The following DPP9 variants were observed in gnomAD, a reference collection of about 807,000 sequenced individuals.
DPP9 encodes the protein dipeptidyl peptidase IV-related protein-2.
DPP9 carries 50 observed loss-of-function variants against 110.7 expected under a neutral mutation model. That is an observed-to-expected ratio of 0.45 (90% CI 0.36 to 0.57). The LOEUF (loss-of-function observed/expected upper bound fraction) is 0.57, where lower values mean the gene tolerates loss of function less well. Among genes scored for constraint, DPP9 ranks in the 20% least tolerant of loss-of-function variants. The pLI is 0.00. For synonymous variants in DPP9, 561 were observed against 514.4 expected, an observed-to-expected ratio of 1.09 and a Z score of -1.23; for missense variants, 1,022 against 1,217.9, an observed-to-expected ratio of 0.84 and a Z score of 2.39.
At chr19:4,715,393 C>T (rs1295879799) in intron 3 of DPP9, 1 of 152,236 alleles carries the variant, frequency 6.6e-6, no homozygotes, top group African/African-American at 2.4e-5. Flanking sequence ...TCACACCATC[C>T]ACGCTGAAGC....
chr19:4,711,149 CT>C (rs1232760027), intron 4 of DPP9, among the ~76,000 whole-genome samples: 1 of 152,110 alleles, frequency 6.6e-6, no homozygotes, highest in African/African-American at 2.4e-5. Flanking sequence ...GGACAGATGC[CT>C]GGCTTCTGGA....
chr19:4,697,722 C>A, intron 10 of DPP9, 71 bp from the exon 11 acceptor site: 1 of 1,290,408 alleles, frequency 7.7e-7, no homozygotes, highest in Non-Finnish European at 1.1e-6. Flanking sequence ...AAGGCCACTG[C>A]GCTGGGTCCC....
intron 14 of DPP9, among the ~76,000 whole-genome samples, chr19:4,690,554 A>G (rs2091222555): frequency 6.6e-6 from 1 of 152,230 alleles, no homozygotes; most frequent in African/African-American, 2.4e-5. Flanking sequence ...CAGAGGACAC[A>G]CTTCCTCTTT....
rs2092017774 is a variant in DPP9, at chr19:4,698,915, T to C, written c.1075-1264A>G. 6.6e-6 allele frequency among the ~76,000 whole-genome samples: 1 copy of C among 151,800 alleles called. No individual in the cohort carries two copies. The highest frequency in any genetic ancestry group is 1.5e-5 in the Non-Finnish European group (1 of 67,940). ...GGCTCACACCTGTAATCCCAACACTTTGGGAGGCCGAGGCGGGCGGATCAC... is the reference window on the plus strand; with the variant it reads ...GGCTCACACCTGTAATCCCAACACTCTGGGAGGCCGAGGCGGGCGGATCAC... On this transcript the variant is annotated intron_variant, in intron 10 of 21. Transcript: ENST00000262960. This position sits in a 1 kb window ranked among gnomAD's most constrained non-coding sequence, Gnocchi z 4.2.
chr19:4,697,405 T>G, intron 11 of DPP9, 146 bp downstream of exon 11: 1 of 655,536 alleles, frequency 1.5e-6, no homozygotes, highest in Non-Finnish European at 2.6e-6. Flanking sequence ...TGGACACTGG[T>G]CTGAGGCCTG....
intron 9 of DPP9, among the ~76,000 whole-genome samples, chr19:4,701,593 A>G (rs2092261666): frequency 1.3e-5 from 2 of 152,250 alleles, no homozygotes; most frequent in Non-Finnish European, 2.9e-5. Flanking sequence ...AAACAAACAA[A>G]ACAAGAGTGA....
In DPP9 at chr19:4,676,198, G is replaced by A. The variant is rs1231232842; in HGVS notation, c.*366C>T. Reference sequence around the variant, plus strand: ...TGGGGACGGTGGCTGGCCGGGCCAGGGGACTGAGAGGTCACAGGGAGCCCC... The same window carrying A: ...TGGGGACGGTGGCTGGCCGGGCCAGAGGACTGAGAGGTCACAGGGAGCCCC... On this transcript the variant is annotated 3_prime_UTR_variant, in exon 22 of 22. Transcript: ENST00000262960. This position sits in a 1 kb window ranked among gnomAD's most constrained non-coding sequence, Gnocchi z 4.0. The A allele has an allele frequency of 8.3e-6, 2 of 241,378 alleles. No homozygotes were observed. Among genetic ancestry groups the A allele is most frequent in the Non-Finnish European group, 8.1e-6 (1 of 123,674 alleles). The allele number at this position is 241,378 out of a possible 1,614,324, so 15.0% of individuals were successfully genotyped here.
At chr19:4,702,568 G>C (rs200686354) in intron 8 of DPP9, 35 bp downstream of exon 8, 7 of 1,503,776 alleles carry the variant, frequency 4.7e-6, no homozygotes, top group Non-Finnish European at 9.1e-7. Flanking sequence ...GGAAAAGCAC[G>C]CCCGGGAGCA....
In DPP9 at chr19:4,690,884, G is replaced by C; in HGVS notation, c.1590C>G (p.Gly530=). 1.9e-6 allele frequency: 3 copies of C among 1,612,474 alleles called. No individual in the cohort carries two copies. The highest frequency in any genetic ancestry group is 2.5e-6 in the Non-Finnish European group (3 of 1,179,248). ...TGCAAGGAGACCCTGGTACCTTGGA[G>C]CCGTGCCTCGCCAAAACCTCCCATT... ...SGEWEVLARH[G]SKIWVNEETK... is the part of the protein sequence containing the mutation. Residue 530 remains glycine (G), a synonymous_variant, in exon 14 of 22, where the codon GGC becomes GGG. Coordinates refer to ENST00000262960, the MANE Select transcript of DPP9 (RefSeq NM_139159.5).
At position 4,702,683 on chromosome 19, in the gene DPP9, G is replaced by A. The variant is rs1369739628; in HGVS notation, c.803C>T (p.Ala268Val). 9 of 1,599,478 alleles carry A rather than the reference G, an allele frequency of 5.6e-6. No homozygotes were observed. Among genetic ancestry groups the A allele is most frequent in the African/African-American group, 2.7e-5 (2 of 74,268 alleles). ...LSNVLDDPKS[A>V]GVATFVIQEE... Reference sequence around the variant, plus strand: ...CTGTATGACGAAGGTGGCCACACCCGCAGACTTGGGGTCATCCAGGACATT... The same window carrying A: ...CTGTATGACGAAGGTGGCCACACCCACAGACTTGGGGTCATCCAGGACATT... Residue 268 changes from alanine to valine, a missense_variant, in exon 8 of 22, where the codon GCG becomes GTG. Transcript: ENST00000262960.
chr19:4,697,683 C>T, intron 10 of DPP9, 32 bp from the exon 11 acceptor site: 1 of 1,594,228 alleles, frequency 6.3e-7, no homozygotes, highest in African/African-American at 1.3e-5. Context: ...TGGGTCATGC[C>T]CTGGCCTGCC....
In DPP9 at chr19:4,688,841, C is replaced by T. The variant is rs1031910572; in HGVS notation, c.1801G>A (p.Val601Met). The change falls in exon 16 of 22, where the codon GTG becomes ATG. Residue 601 changes from valine (V) to methionine (M), a missense_variant. By Grantham distance (21) the Val-to-Met change is conservative. Transcript: ENST00000262960. The part of the protein sequence containing the change: ...HYSSVSTPPC[V>M]HVYKLSGPDD... ...GGGCCGCTCAGCTTGTAGACGTGCACGCAGGGCGGCGTGCTCACGCTGCTG... is the reference window on the plus strand; with the variant it reads ...GGGCCGCTCAGCTTGTAGACGTGCATGCAGGGCGGCGTGCTCACGCTGCTG... 1.4e-5 allele frequency: 21 copies of T among 1,511,990 alleles called. No homozygotes were observed. The highest frequency in any genetic ancestry group is 1.7e-4 in the Middle Eastern group (1 of 5,798). 93.7% of individuals were successfully genotyped at this position (1,511,990 alleles called of 1,614,324 possible). A position where few individuals can be genotyped will look rare whatever the true frequency, so the allele number is the denominator to read the frequency against.
rs570765321 is a variant in DPP9, at chr19:4,676,651, G to A, written c.2592C>T (p.Tyr864=). Residue 864 remains tyrosine (Y), a synonymous_variant, in exon 22 of 22, where the codon TAC becomes TAT. Transcript: ENST00000262960. The surrounding 1 kb of genome is among the most constrained non-coding windows in gnomAD (Gnocchi z 4.0). ...RAGKPYQLQI[Y]PNERHSIRCP... ...AGCGAATACTGTGTCTCTCGTTGGGGTAGATCTGCGGGGAGACAGGAGGCA... is the reference window on the plus strand; with the variant it reads ...AGCGAATACTGTGTCTCTCGTTGGGATAGATCTGCGGGGAGACAGGAGGCA... 14 of 1,600,754 alleles carry A rather than the reference G, an allele frequency of 8.7e-6. No individual in the cohort carries two copies. The South Asian group carries it at 1.6e-4, about 18-fold the overall frequency.
rs1568318488 is a variant in DPP9 at position 4,700,087 on chromosome 19, G to C, written c.1074+129C>G. ...GAAGGCCTGTGGCTAGGCGGACCGG[G>C]CGGCAGGGCTGGGGCCTGGGGAGTG... On this transcript the variant is annotated intron_variant, in intron 10 of 21. Transcript: ENST00000262960. This position sits in a 1 kb window ranked among gnomAD's most constrained non-coding sequence, Gnocchi z 4.3. 1 of 631,042 alleles carries C rather than the reference G, an allele frequency of 1.6e-6. No individual in the cohort carries two copies. The highest frequency in any genetic ancestry group is 3.6e-5 in the Admixed American group (1 of 27,778). 39.1% of individuals were successfully genotyped at this position (631,042 alleles called of 1,614,324 possible).
At chr19:4,683,386 T>C in intron 19 of DPP9, 91 bp downstream of exon 19, 1 of 1,565,014 alleles carries the variant, frequency 6.4e-7, no homozygotes, top group Non-Finnish European at 8.7e-7. Context: ...GTAGGTGGGC[T>C]CCGGGTGGCG....
At chr19:4,699,158 C>CAAA (rs144927941) in intron 10 of DPP9, among the ~76,000 whole-genome samples, 138 of 50,706 alleles carry the variant, frequency 2.7e-3, no homozygotes, top group Non-Finnish European at 3.4e-3. Context: ...GACTCCACCT[C>CAAA]AAAAAAAAAA....
chr19:4,678,113 C>CT (rs998983513), intron 21 of DPP9, among the ~76,000 whole-genome samples: 152 of 146,928 alleles, frequency 1.0e-3, no homozygotes, highest in Middle Eastern at 7.1e-3. Context: ...TCTTTCTTTT[C>CT]TTTTTTTTTT....
At chr19:4,722,604 A>G in intron 1 of DPP9, 53 bp from the exon 2 acceptor site, 1 of 701,738 alleles carries the variant, frequency 1.4e-6, no homozygotes, top group Non-Finnish European at 2.6e-6. Context: ...AGCACCGGCC[A>G]GCCGTTCAGC....
At chr19:4,706,805 G>T (rs1170688163) in intron 4 of DPP9, among the ~76,000 whole-genome samples, 1 of 152,204 alleles carries the variant, frequency 6.6e-6, no homozygotes, top group African/African-American at 2.4e-5. Context: ...AACAGAGCAA[G>T]ATTTTGTCTC....
Sources: gnomAD v4.1 joint callset for allele counts (sites outside exome capture counted in the v4.1 genomes callset) on GRCh38, gnomAD v4.1.1 for gene constraint, Gnocchi (gnomAD v3.1) non-coding constraint, MANE v1.5 for transcripts, NCBI Gene and HGNC (gene_info 2026-07-23, HGNC 2026-07-21) for gene names.